HIVEP1: variants seen among roughly 807,000 people sequenced by gnomAD.
The protein encoded by HIVEP1 is HIVEP zinc finger 1.
HIVEP1 carries 36 observed loss-of-function variants against 180.0 expected under a neutral mutation model. The ratio of observed to expected loss-of-function variants is 0.20; its 90% CI spans 0.15 to 0.26. The LOEUF is 0.26. HIVEP1 is among the 10% of genes least tolerant of loss of function. The pLI, the probability that HIVEP1 is intolerant of heterozygous loss-of-function variation, is 1.00. For synonymous variants in HIVEP1, 1,239 were observed against 1,239.0 expected (o/e 1.00, Z 0.00); for missense variants, 3,143 against 3,268.7 (o/e 0.96, Z 0.94).
chr6:12,195,050 C>T, the HIVEP1 span, among the ~76,000 whole-genome samples: 1 of 152,256 alleles, frequency 6.6e-6, no homozygotes, highest in East Asian at 1.9e-4. Context: ...GATGAAATTT[C>T]CTCACAAGAA....
chr6:12,085,602 A>G (rs753236228), intron 2 of HIVEP1, among the ~76,000 whole-genome samples: 4 of 152,142 alleles, frequency 2.6e-5, no homozygotes, highest in Non-Finnish European at 5.9e-5. Context: ...GCAGGCATGC[A>G]ATTGCAGTAA....
At chr6:12,009,659 G>C (rs1037510298), upstream of HIVEP1, among the ~76,000 whole-genome samples, 3 of 152,190 alleles carry the variant, frequency 2.0e-5, no homozygotes, top group Non-Finnish European at 4.4e-5. Context: ...GCCTAAAGAA[G>C]CTACTTTATA....
chr6:12,131,842 TTTGAG>T (rs1326153175), intron 6 of HIVEP1, among the ~76,000 whole-genome samples: 2 of 151,252 alleles, frequency 1.3e-5, no homozygotes, highest in African/African-American at 4.8e-5. Flanking sequence ...ACTTTTATCC[TTTGAG>T]TTAACATTTA....
chr6:12,129,978 C>A, intron 5 of HIVEP1, 86 bp downstream of exon 5: 1 of 866,510 alleles, frequency 1.2e-6, no homozygotes, highest in Non-Finnish European at 1.8e-6. Context: ...AGACTTAGTG[C>A]CAATTTAGTA....
At chr6:12,192,132 A>G in the HIVEP1 span, among the ~76,000 whole-genome samples, 1 of 152,200 alleles carries the variant, frequency 6.6e-6, no homozygotes, top group Non-Finnish European at 1.5e-5. Flanking sequence ...TCTTTTTAAA[A>G]CATGGAATAT....
At chr6:12,039,484 T>C (rs1769520364) in intron 2 of HIVEP1, among the ~76,000 whole-genome samples, 1 of 152,132 alleles carries the variant, frequency 6.6e-6, no homozygotes, top group Non-Finnish European at 1.5e-5. Context: ...CTAATGAAAG[T>C]GATATTCTTG....
chr6:12,171,441 C>T, the HIVEP1 span, among the ~76,000 whole-genome samples: 1 of 152,132 alleles, frequency 6.6e-6, no homozygotes, highest in Non-Finnish European at 1.5e-5. Context: ...CATAATCGGA[C>T]TCCAGGCTTG....
chr6:12,037,747 C>G (rs1769378463), intron 2 of HIVEP1: 1 of 429,332 alleles, frequency 2.3e-6, no homozygotes, highest in Non-Finnish European at 4.2e-6. Flanking sequence ...TTTGCTCAGG[C>G]TGGAGTGCAG....
chr6:12,167,695 A>C (rs55690635), downstream of HIVEP1, among the ~76,000 whole-genome samples: 1 of 73,726 alleles, frequency 1.4e-5, no homozygotes, highest in Non-Finnish European at 3.4e-5. Context: ...TAATATATAT[A>C]CATATATACA....
chr6:12,109,033 G>T (rs1243283364), intron 3 of HIVEP1, among the ~76,000 whole-genome samples: 1 of 152,174 alleles, frequency 6.6e-6, no homozygotes, highest in Non-Finnish European at 1.5e-5. Flanking sequence ...AGGCTGGAGT[G>T]CAGCGGCGCG....
chr6:12,145,515 T>TAA (rs202193525), intron 7 of HIVEP1, among the ~76,000 whole-genome samples: 3 of 103,736 alleles, frequency 2.9e-5, no homozygotes, highest in Admixed American at 9.5e-5. Context: ...ACTTAAAGTA[T>TAA]AAAAAAAAAA....
At chr6:12,189,696 A>G in the HIVEP1 span, among the ~76,000 whole-genome samples, 1 of 152,312 alleles carries the variant, frequency 6.6e-6, no homozygotes, top group South Asian at 2.1e-4. Context: ...TAGTCTGACC[A>G]ATTTGGAGAA....
intron 2 of HIVEP1, chr6:12,037,806 A>G (rs572776877): frequency 9.2e-6 from 4 of 436,360 alleles, no homozygotes; most frequent in Non-Finnish European, 1.6e-5. Flanking sequence ...GGACAAGCTA[A>G]GGCTTGTCCC....
the HIVEP1 span, among the ~76,000 whole-genome samples, chr6:12,178,920 A>G: frequency 6.6e-6 from 1 of 152,228 alleles, no homozygotes; most frequent in Admixed American, 6.5e-5. Context: ...CTAAAAAGAA[A>G]GCGTTAGATA....
chr6:12,046,877 T>TGTGTGTGTGTGTGTGTGTGTGTGTG (rs1554135012), intron 2 of HIVEP1, among the ~76,000 whole-genome samples: 1 of 48,098 alleles, frequency 2.1e-5, no homozygotes, highest in Non-Finnish European at 4.2e-5. Context: ...GTGTGTGTGT[T>TGTGTGTGTGTGTGTGTGTGTGTGTG]TGAGATGGAG....
chr6:12,085,857 A>T (rs1191177530), intron 2 of HIVEP1, among the ~76,000 whole-genome samples: 1 of 152,198 alleles, frequency 6.6e-6, no homozygotes, highest in Non-Finnish European at 1.5e-5. Context: ...GTCTTCTTCC[A>T]GAAACCCTAA....
downstream of HIVEP1, among the ~76,000 whole-genome samples, chr6:12,168,205 T>G (rs1760795739): frequency 3.0e-5 from 3 of 101,076 alleles, no homozygotes; most frequent in Admixed American, 1.2e-4. Context: ...TATATATACA[T>G]ATATACATAT....
chr6:12,018,031 G>A (rs1767938630), intron 2 of HIVEP1, among the ~76,000 whole-genome samples: 2 of 152,220 alleles, frequency 1.3e-5, no homozygotes, highest in African/African-American at 2.4e-5. Context: ...GGGGTGCTTA[G>A]GCATGGCGGG....
the HIVEP1 span, among the ~76,000 whole-genome samples, chr6:12,188,371 G>A: frequency 6.6e-6 from 1 of 152,110 alleles, no homozygotes; most frequent in Non-Finnish European, 1.5e-5. Context: ...ATCATGAATA[G>A]ATCGATACTT....
Sources: allele counts gnomAD v4.1 joint callset (sites outside exome capture counted in the v4.1 genomes callset), GRCh38; gene constraint gnomAD v4.1.1; transcripts MANE v1.5; gene names NCBI Gene and HGNC (gene_info 2026-07-23, HGNC 2026-07-21).